Variants in MIPOL1 observed in about 807,000 individuals in gnomAD.
MIPOL1 encodes mirror-image polydactyly gene 1 protein.
A neutral mutation model predicts 60.9 loss-of-function variants in MIPOL1; 57 were observed. The observed-to-expected ratio is 0.94, with a 90% CI of 0.76 to 1.17. MIPOL1 has a LOEUF of 1.17. Ranked by LOEUF, MIPOL1 falls within the 50% of genes most tolerant of loss-of-function variation. The pLI is 0.00. For missense variants in MIPOL1, 551 were observed against 511.6 expected (o/e 1.08, Z -0.74); for synonymous variants, 179 against 168.8 (o/e 1.06, Z -0.47).
At chr14:37,459,532 C>T (rs550071138) in intron 11 of MIPOL1, among the ~76,000 whole-genome samples, 1 of 152,150 alleles carries the variant, frequency 6.6e-6, no homozygotes, top group East Asian at 1.9e-4. Flanking sequence ...GAAAATTTTT[C>T]CAACAACAAC....
chr14:37,225,362 A>G (rs538208202), intron 1 of MIPOL1, among the ~76,000 whole-genome samples: 2 of 152,260 alleles, frequency 1.3e-5, no homozygotes, highest in South Asian at 2.1e-4. Flanking sequence ...CCCTGCCGCA[A>G]ACTTCTGCCT....
At chr14:37,334,006 G>A (rs2089930092) in intron 9 of MIPOL1, among the ~76,000 whole-genome samples, 1 of 151,946 alleles carries the variant, frequency 6.6e-6, no homozygotes, top group Non-Finnish European at 1.5e-5. Context: ...GTCTACAAGG[G>A]AGCTGAATGA....
chr14:37,449,807 T>TTTATTTAG (rs2094391243), intron 11 of MIPOL1, among the ~76,000 whole-genome samples: 1 of 151,910 alleles, frequency 6.6e-6, no homozygotes, highest in South Asian at 2.1e-4. Flanking sequence ...TATTTATTTA[T>TTTATTTAG]TTATTTACTT....
At chr14:37,234,942 A>ATTTTTTTTTTTTTTTTTT (rs5807941) in intron 1 of MIPOL1, among the ~76,000 whole-genome samples, 3 of 116,830 alleles carry the variant, frequency 2.6e-5, no homozygotes, top group Non-Finnish European at 5.2e-5. Context: ...CGTACGGCTA[A>ATTTTTTTTTTTTTTTTTT]TTTTTTTTTT....
At chr14:37,426,650 T>G (rs1368275784) in intron 11 of MIPOL1, among the ~76,000 whole-genome samples, 3 of 144,060 alleles carry the variant, frequency 2.1e-5, no homozygotes, top group Non-Finnish European at 4.5e-5. Context: ...ATTATATATG[T>G]GTATATATAT....
chr14:37,497,220 G>A (rs923653073), intron 11 of MIPOL1, among the ~76,000 whole-genome samples: 8 of 152,170 alleles, frequency 5.3e-5, no homozygotes, highest in African/African-American at 1.9e-4. Context: ...TCACCATTCA[G>A]GACATAGGCA....
intron 9 of MIPOL1, among the ~76,000 whole-genome samples, chr14:37,330,441 A>G (rs2089570715): frequency 6.6e-6 from 1 of 152,160 alleles, no homozygotes; most frequent in Non-Finnish European, 1.5e-5. Context: ...AATTTTATAC[A>G]AACATAATTC....
intron 7 of MIPOL1, among the ~76,000 whole-genome samples, chr14:37,307,166 C>T (rs1483256057): frequency 6.6e-6 from 1 of 151,672 alleles, no homozygotes; most frequent in African/African-American, 2.4e-5. Flanking sequence ...CACAGGAGCA[C>T]AGAAACGGGG....
chr14:37,384,775 C>G (rs1185191364), intron 10 of MIPOL1, among the ~76,000 whole-genome samples: 1 of 151,850 alleles, frequency 6.6e-6, no homozygotes. Flanking sequence ...TGTAACTTAT[C>G]AATTCCTAAT....
At chr14:37,226,789 G>C (rs1969821278) in intron 1 of MIPOL1, among the ~76,000 whole-genome samples, 1 of 152,124 alleles carries the variant, frequency 6.6e-6, no homozygotes, top group Admixed American at 6.5e-5. Flanking sequence ...GGGCAGTGGA[G>C]TGAGATCCTA....
chr14:37,348,313 T>C (rs1354768399), intron 9 of MIPOL1, among the ~76,000 whole-genome samples: 1 of 152,162 alleles, frequency 6.6e-6, no homozygotes, highest in African/African-American at 2.4e-5. Flanking sequence ...GAAAACTAGA[T>C]GGTTTGATAA....
intron 11 of MIPOL1, among the ~76,000 whole-genome samples, chr14:37,432,329 G>C (rs560398626): frequency 3.7e-4 from 56 of 152,262 alleles, no homozygotes; most frequent in African/African-American, 1.3e-3. Flanking sequence ...TAGTGCTTCT[G>C]TTCTTTATGT....
chr14:37,345,192 C>T (rs562072404), intron 9 of MIPOL1, among the ~76,000 whole-genome samples: 2 of 152,198 alleles, frequency 1.3e-5, no homozygotes, highest in East Asian at 3.9e-4. Context: ...CAGCCTTGAC[C>T]TCCTGGATGC....
chr14:37,228,982 G>T (rs922009060), intron 1 of MIPOL1, among the ~76,000 whole-genome samples: 4 of 152,120 alleles, frequency 2.6e-5, no homozygotes, highest in Non-Finnish European at 5.9e-5. Flanking sequence ...ATAAAGAAAA[G>T]TTAATAGATT....
At chr14:37,201,265 A>T (rs1472969653) in intron 1 of MIPOL1, among the ~76,000 whole-genome samples, 3 of 151,988 alleles carry the variant, frequency 2.0e-5, no homozygotes, top group Non-Finnish European at 2.9e-5. Flanking sequence ...CTCTAAACAT[A>T]CTTTATTTGG....
At chr14:37,233,605 A>G (rs1482905892) in intron 1 of MIPOL1, among the ~76,000 whole-genome samples, 2 of 152,102 alleles carry the variant, frequency 1.3e-5, no homozygotes, top group African/African-American at 4.8e-5. Context: ...ATTTTTTAAG[A>G]TTAGGAAACA....
At chr14:37,335,416 C>T (rs1052202888) in intron 9 of MIPOL1, among the ~76,000 whole-genome samples, 2 of 152,010 alleles carry the variant, frequency 1.3e-5, no homozygotes, top group African/African-American at 4.8e-5. Flanking sequence ...TTCTACTCTC[C>T]CCTGGCCCCT....
chr14:37,207,804 C>A (rs760883883), intron 1 of MIPOL1, among the ~76,000 whole-genome samples: 6 of 152,126 alleles, frequency 3.9e-5, no homozygotes, highest in African/African-American at 7.2e-5. Context: ...CCTCAGCCCC[C>A]CAAAGTGCTG....
intron 11 of MIPOL1, among the ~76,000 whole-genome samples, chr14:37,429,072 T>C (rs575429823): frequency 1.3e-5 from 2 of 152,342 alleles, no homozygotes; most frequent in South Asian, 4.1e-4. Context: ...AACACTTTCA[T>C]TAATCTAAAT....
Sources: gnomAD v4.1 joint callset for allele counts (sites outside exome capture counted in the v4.1 genomes callset) on GRCh38, gnomAD v4.1.1 for gene constraint, MANE v1.5 for transcripts, NCBI Gene and HGNC (gene_info 2026-07-23, HGNC 2026-07-21) for gene names.